The following PSPC1 variants were observed in gnomAD, a reference collection of about 807,000 sequenced individuals.
PSPC1 encodes paraspeckle component 1, also known as paraspeckle protein 1.
Under a neutral mutation model 51.6 loss-of-function variants are expected in PSPC1, and 14 were observed. That is an observed-to-expected ratio of 0.27 (90% CI 0.18 to 0.42). The LOEUF is 0.42. Ranked by LOEUF, PSPC1 falls within the 10% of genes least tolerant of loss-of-function variation. The pLI is 1.00. For synonymous variants in PSPC1, 193 were observed against 231.9 expected, an observed-to-expected ratio of 0.83 and a Z score of 1.53; for missense variants, 406 against 701.1, an observed-to-expected ratio of 0.58 and a Z score of 4.75.
intron 4 of PSPC1, 63 bp downstream of exon 4, chr13:19,751,208 A>T: frequency 3.0e-6 from 4 of 1,337,370 alleles, no homozygotes; most frequent in Middle Eastern, 3.9e-4. Flanking sequence ...TAGTACATGA[A>T]TGGTACACAC....
At chr13:19,696,772 C>T (rs1258390201) in intron 6 of PSPC1, among the ~76,000 whole-genome samples, 3 of 152,094 alleles carry the variant, frequency 2.0e-5, no homozygotes, top group Non-Finnish European at 4.4e-5. Flanking sequence ...CCAAACATAC[C>T]GATACAAAAA....
At chr13:19,700,371 T>C (rs1486106379), downstream of PSPC1, among the ~76,000 whole-genome samples, 5 of 152,098 alleles carry the variant, frequency 3.3e-5, no homozygotes, top group African/African-American at 1.2e-4. Flanking sequence ...AAAACAGATA[T>C]TGTTCCCCTA....
chr13:19,682,947 A>G (rs1479472807), intron 6 of PSPC1, among the ~76,000 whole-genome samples: 1 of 152,076 alleles, frequency 6.6e-6, no homozygotes, highest in Non-Finnish European at 1.5e-5. Context: ...ACATGCCTGT[A>G]TTCCCAGCTA....
In PSPC1 at chr13:19,772,370, T is replaced by C; in HGVS notation, c.546A>G (p.Val182=). 6.2e-7 allele frequency: 1 copy of C among 1,614,220 alleles called. No individual in the cohort carries two copies. The highest frequency in any genetic ancestry group is 8.5e-7 in the Non-Finnish European group (1 of 1,180,028). ...CATCCACAACCACAACAGCTTTCTC[T>C]ACTGGACCAAACTGAGAAAATGCTT... ...LEQAFSQFGP[V]EKAVVVVDDR... Residue 182 remains valine, a synonymous_variant, in exon 2 of 9, where the codon GTA becomes GTG. Coordinates refer to ENST00000338910, the MANE Select transcript of PSPC1 (RefSeq NM_001354909.2).
At chr13:19,672,712 A>G (rs1876204031), downstream of PSPC1, 1 of 161,324 alleles carries the variant, frequency 6.2e-6, no homozygotes. Context: ...AATATGCTGT[A>G]GTCACTTATC....
rs542065932 is a variant in PSPC1, at chr13:19,683,918, G to T, written c.1159-6095C>A. 1.6e-4 allele frequency among the ~76,000 whole-genome samples: 25 copies of T among 152,212 alleles called. 1 individual carries two copies. In the South Asian group the frequency reaches 5.2e-3, roughly 32 times the overall value. ...ATGTGAAGTTCAGCAAAGACTCATA[G>T]TTGAATAAAGTACAATATGATGACT... On this transcript the variant is annotated intron_variant and NMD_transcript_variant, in intron 6 of 7. Transcript: ENST00000471658.
At chr13:19,762,433 G>T (rs900183206) in intron 2 of PSPC1, among the ~76,000 whole-genome samples, 14 of 152,190 alleles carry the variant, frequency 9.2e-5, no homozygotes, top group African/African-American at 3.1e-4. Flanking sequence ...GGTGGCACAC[G>T]CCTGTAGTCC....
chr13:19,728,934 C>A (rs1263532820), intron 6 of PSPC1, among the ~76,000 whole-genome samples: 4 of 152,096 alleles, frequency 2.6e-5, no homozygotes, highest in Admixed American at 1.3e-4. Flanking sequence ...CAGGTTTCCA[C>A]AGACACTATA....
chr13:19,735,547 A>G (rs967129850), intron 5 of PSPC1, among the ~76,000 whole-genome samples: 1 of 152,198 alleles, frequency 6.6e-6, no homozygotes, highest in African/African-American at 2.4e-5. Context: ...TGAAAGTAAA[A>G]CCAGAAACTT....
intron 2 of PSPC1, among the ~76,000 whole-genome samples, chr13:19,769,352 A>G (rs867462560): frequency 2.0e-5 from 3 of 151,952 alleles, no homozygotes; most frequent in South Asian, 4.1e-4. Context: ...TCAGGAGATC[A>G]AGACCATCCT....
At chr13:19,688,805 T>C (rs1350049901) in intron 6 of PSPC1, among the ~76,000 whole-genome samples, 1 of 152,210 alleles carries the variant, frequency 6.6e-6, no homozygotes. Flanking sequence ...ACATAATCTC[T>C]TGCAATTAAT....
At chr13:19,750,728 C>A (rs565402142) in intron 4 of PSPC1, among the ~76,000 whole-genome samples, 1 of 151,978 alleles carries the variant, frequency 6.6e-6, no homozygotes, top group Non-Finnish European at 1.5e-5. Flanking sequence ...ATTTAATACC[C>A]GCAAATTACC....
At chr13:19,687,964 G>A (rs1450256258) in intron 6 of PSPC1, among the ~76,000 whole-genome samples, 1 of 151,638 alleles carries the variant, frequency 6.6e-6, no homozygotes, top group Non-Finnish European at 1.5e-5. Context: ...AGTATCAACT[G>A]TCAGCCTTTG....
intron 4 of PSPC1, among the ~76,000 whole-genome samples, chr13:19,745,479 A>T (rs1335099491): frequency 6.6e-6 from 1 of 152,198 alleles, no homozygotes; most frequent in Non-Finnish European, 1.5e-5. Flanking sequence ...TGTTTTCTCA[A>T]TTTAAAATTG....
chr13:19,773,249 AT>A (rs572248368), intron 1 of PSPC1, among the ~76,000 whole-genome samples: 29,605 of 133,712 alleles, frequency 0.22, 3,086 homozygotes, highest in African/African-American at 0.36. Context: ...TTTTTATCTC[AT>A]TTTTTTTTTT....
intron 2 of PSPC1, among the ~76,000 whole-genome samples, chr13:19,765,696 TTACAAATAAC>T (rs5802028): frequency 0.11 from 16,423 of 151,542 alleles, 1,020 homozygotes; most frequent in Middle Eastern, 0.14. Context: ...GTATCAGTCT[TTACAAATAAC>T]TACAAATAAC....
Position 19,749,391 on chromosome 13 carries a change from G to A in PSPC1, c.967+1880C>T, listed in dbSNP as rs367915783. On this transcript the variant is annotated intron_variant, in intron 4 of 8. Coordinates refer to ENST00000338910, the MANE Select transcript of PSPC1 (RefSeq NM_001354909.2). ...AAAAATTAGCTGGGCGTGGTAGCAC[G>A]CACCTGTAGTCCCAGGGAGGGTGTA... Among the ~76,000 whole-genome samples the A allele has an allele frequency of 1.3e-3, 200 of 151,772 alleles. 1 individual carries two copies. Among genetic ancestry groups the A allele is most frequent in the African/African-American group, 4.5e-3 (185 of 41,440 alleles).
intron 6 of PSPC1, among the ~76,000 whole-genome samples, chr13:19,720,153 C>A (rs1020810514): frequency 8.6e-5 from 13 of 152,042 alleles, no homozygotes; most frequent in African/African-American, 3.1e-4. Flanking sequence ...AAACAATGAG[C>A]AAGGATACCA....
chr13:19,683,624 A>C lies in PSPC1; in HGVS notation c.1159-5801T>G, dbSNP rs565883839. On this transcript the variant is annotated intron_variant and NMD_transcript_variant, in intron 6 of 7. Transcript: ENST00000471658. ...GTAACCCTAAATTCTAAAACGCAAA[A>C]TTTTACATTTTCTTAAAGAAGGGAA... 2.0e-5 allele frequency among the ~76,000 whole-genome samples: 3 copies of C among 152,316 alleles called. No individual in the cohort carries two copies. In the South Asian group the frequency reaches 6.2e-4, roughly 32 times the overall value.
Sources: gnomAD v4.1 joint callset for allele counts (sites outside exome capture counted in the v4.1 genomes callset) on GRCh38, gnomAD v4.1.1 for gene constraint, MANE v1.5 for transcripts, NCBI Gene and HGNC (gene_info 2026-07-23, HGNC 2026-07-21) for gene names.